The following RBFOX1 variants were observed in gnomAD, a reference collection of about 807,000 sequenced individuals.
RBFOX1 encodes the protein RNA binding protein fox-1 homolog 1.
Under a neutral mutation model 57.7 loss-of-function variants are expected in RBFOX1, and 8 were observed. The ratio of observed to expected loss-of-function variants is 0.14; its 90% CI spans 0.08 to 0.25. RBFOX1 has a LOEUF of 0.25. Among genes scored for constraint, RBFOX1 ranks in the 10% least tolerant of loss-of-function variants. RBFOX1 has a pLI of 1.00. For missense variants in RBFOX1, 611 were observed against 548.5 expected, an observed-to-expected ratio of 1.11 and a Z score of -1.14; for synonymous variants, 326 against 222.4, an observed-to-expected ratio of 1.47 and a Z score of -4.15.
At chr16:6,211,801 C>G (rs1378692636) in intron 1 of RBFOX1, among the ~76,000 whole-genome samples, 1 of 151,528 alleles carries the variant, frequency 6.6e-6, no homozygotes, top group Admixed American at 6.6e-5. Flanking sequence ...AACATTCCAT[C>G]CACTTAAAGG....
At chr16:7,501,786 T>C (rs1046433799) in intron 4 of RBFOX1, among the ~76,000 whole-genome samples, 2 of 152,198 alleles carry the variant, frequency 1.3e-5, no homozygotes, top group African/African-American at 4.8e-5. Context: ...ACCTGATAAA[T>C]CATTTTGTTT....
chr16:6,130,690 C>T (rs1031715762), intron 1 of RBFOX1, among the ~76,000 whole-genome samples: 1 of 152,060 alleles, frequency 6.6e-6, no homozygotes, highest in Non-Finnish European at 1.5e-5. Flanking sequence ...AACTATATCC[C>T]ATATGAATAG....
chr16:5,602,946 G>A (rs1245427998), downstream of RBFOX1, among the ~76,000 whole-genome samples: 1 of 152,198 alleles, frequency 6.6e-6, no homozygotes, highest in Non-Finnish European at 1.5e-5. Context: ...CAGTTGTCAT[G>A]GAAATGCTGT....
chr16:6,620,722 C>T (rs114885241), intron 2 of RBFOX1, among the ~76,000 whole-genome samples: 376 of 152,258 alleles, frequency 2.5e-3, no homozygotes, highest in African/African-American at 8.8e-3. Flanking sequence ...GATTATGAAA[C>T]CCTCTCTGCA....
At chr16:5,406,319 C>A (rs933001002) in intron 1 of RBFOX1, among the ~76,000 whole-genome samples, 2 of 151,518 alleles carry the variant, frequency 1.3e-5, no homozygotes, top group Non-Finnish European at 2.9e-5. Context: ...CCATCCAATC[C>A]GTCAAAGGTC....
chr16:7,634,615 G>C (rs966579986), intron 11 of RBFOX1, among the ~76,000 whole-genome samples: 1 of 151,986 alleles, frequency 6.6e-6, no homozygotes. Context: ...ATGTGACCCA[G>C]GACTCATAAA....
At chr16:6,326,858 C>G (rs1368820689) in intron 2 of RBFOX1, among the ~76,000 whole-genome samples, 1 of 152,176 alleles carries the variant, frequency 6.6e-6, no homozygotes, top group East Asian at 1.9e-4. Flanking sequence ...TAATCACACA[C>G]TACAGCCGGT....
At chr16:6,392,133 AG>A (rs1022749873) in intron 2 of RBFOX1, among the ~76,000 whole-genome samples, 5 of 152,288 alleles carry the variant, frequency 3.3e-5, no homozygotes, top group African/African-American at 1.2e-4. Flanking sequence ...ATGGCCTGGG[AG>A]GGAAACTGGG....
rs185440779 is a variant in RBFOX1 at position 6,916,827 on chromosome 16, C to G, written c.-15-135230C>G. ...TCGAAGTTTGAATTTGTACCTTGAT[C>G]TTGTTTTTTTATTTGTTTGTTTTTG... On this transcript the variant is annotated intron_variant, in intron 3 of 15. Coordinates refer to ENST00000550418, the MANE Select transcript of RBFOX1 (RefSeq NM_018723.4). Among the ~76,000 whole-genome samples the G allele has an allele frequency of 2.0e-5, 3 of 152,100 alleles. No individual in the cohort carries two copies. In the East Asian group the frequency reaches 5.8e-4, roughly 29 times the overall value.
chr16:6,129,276 T>C (rs2096612337), intron 1 of RBFOX1, among the ~76,000 whole-genome samples: 1 of 152,096 alleles, frequency 6.6e-6, no homozygotes, highest in East Asian at 1.9e-4. Flanking sequence ...AAGAGAAGAT[T>C]GTGTTACTTA....
chr16:6,397,007 C>T (rs1567189135), intron 2 of RBFOX1, among the ~76,000 whole-genome samples: 1 of 151,902 alleles, frequency 6.6e-6, no homozygotes, highest in Non-Finnish European at 1.5e-5. Flanking sequence ...GTATATCATT[C>T]AATTTGAAAA....
chr16:5,607,376 G>A (rs946352604), intron 3 of RBFOX1, among the ~76,000 whole-genome samples: 4 of 152,176 alleles, frequency 2.6e-5, no homozygotes, highest in African/African-American at 9.6e-5. Flanking sequence ...ATGCTAAGTG[G>A]CACTCTTGAC....
intron 4 of RBFOX1, among the ~76,000 whole-genome samples, chr16:7,315,168 A>G (rs1223226568): frequency 6.6e-6 from 1 of 151,392 alleles, no homozygotes. Flanking sequence ...GTGTGTGGTG[A>G]TATTTCTTTC....
intron 2 of RBFOX1, among the ~76,000 whole-genome samples, chr16:6,532,049 T>A (rs2096665245): frequency 6.6e-6 from 1 of 152,146 alleles, no homozygotes; most frequent in South Asian, 2.1e-4. Flanking sequence ...TCCAACTAAG[T>A]CTTCCGTCCA....
At chr16:7,529,575 G>A (rs1375338340) in intron 5 of RBFOX1, among the ~76,000 whole-genome samples, 1 of 152,132 alleles carries the variant, frequency 6.6e-6, no homozygotes, top group Admixed American at 6.5e-5. Context: ...CAAATGTTTA[G>A]ATTTCTTTCT....
intron 3 of RBFOX1, among the ~76,000 whole-genome samples, chr16:5,639,457 C>CT (rs1472474116): frequency 6.6e-6 from 1 of 152,112 alleles, no homozygotes; most frequent in African/African-American, 2.4e-5. Flanking sequence ...ATCAAGACTT[C>CT]TTTTGGAAAG....
chr16:6,247,657 C>G (rs966468058), intron 1 of RBFOX1, among the ~76,000 whole-genome samples: 2 of 152,094 alleles, frequency 1.3e-5, no homozygotes, highest in Non-Finnish European at 2.9e-5. Context: ...GATACAAACA[C>G]TAGAGCATAG....
At chr16:7,360,555 C>T (rs538753218) in intron 4 of RBFOX1, among the ~76,000 whole-genome samples, 1 of 152,162 alleles carries the variant, frequency 6.6e-6, no homozygotes, top group Non-Finnish European at 1.5e-5. Flanking sequence ...GCCTGAGGAC[C>T]AAGCCTGTGC....
At chr16:7,391,985 A>C (rs2098035208) in intron 4 of RBFOX1, among the ~76,000 whole-genome samples, 2 of 152,138 alleles carry the variant, frequency 1.3e-5, no homozygotes, top group African/African-American at 4.8e-5. Context: ...CTTAGAATAC[A>C]AGCTCTCTCT....
Sources: allele counts gnomAD v4.1 joint callset (sites outside exome capture counted in the v4.1 genomes callset), GRCh38; gene constraint gnomAD v4.1.1; transcripts MANE v1.5; gene names NCBI Gene and HGNC (gene_info 2026-07-23, HGNC 2026-07-21).